KCNK13: variants seen among roughly 807,000 people sequenced by gnomAD.
The protein encoded by KCNK13 is potassium channel subfamily K member 13.
Under a neutral mutation model 23.4 loss-of-function variants are expected in KCNK13, and 12 were observed. The observed-to-expected ratio is 0.51, with a 90% CI of 0.33 to 0.83. The LOEUF is 0.83. KCNK13 is among the 40% of genes least tolerant of loss of function. The pLI is 0.02. For synonymous variants in KCNK13, 231 were observed against 229.5 expected, an observed-to-expected ratio of 1.01 and a Z score of -0.06; for missense variants, 463 against 556.3, an observed-to-expected ratio of 0.83 and a Z score of 1.69.
intron 1 of KCNK13, among the ~76,000 whole-genome samples, chr14:90,116,716 G>A (rs1487507420): frequency 1.3e-5 from 2 of 152,172 alleles, no homozygotes; most frequent in Non-Finnish European, 2.9e-5. Context: ...AGCAGGCAAG[G>A]TGAATGCAGC....
At chr14:90,105,442 C>A (rs1889532966) in intron 1 of KCNK13, among the ~76,000 whole-genome samples, 1 of 152,076 alleles carries the variant, frequency 6.6e-6, no homozygotes. Context: ...CTTTAATATA[C>A]AGGATAAATC....
chr14:90,084,120 GT>G (rs547947477), intron 1 of KCNK13, among the ~76,000 whole-genome samples: 7 of 152,018 alleles, frequency 4.6e-5, no homozygotes, highest in South Asian at 2.1e-4. Context: ...AATGTTGTTG[GT>G]TTTTTTTCCC....
intron 1 of KCNK13, among the ~76,000 whole-genome samples, chr14:90,142,119 C>T (rs1890015146): frequency 6.6e-6 from 1 of 151,826 alleles, no homozygotes; most frequent in African/African-American, 2.4e-5. Context: ...CCTCCCTTCC[C>T]TGTCCCCAGG....
At chr14:90,090,772 G>A (rs1371453495) in intron 1 of KCNK13, among the ~76,000 whole-genome samples, 4 of 152,306 alleles carry the variant, frequency 2.6e-5, no homozygotes, top group Non-Finnish European at 5.9e-5. Flanking sequence ...GATAGTGAAT[G>A]TGTCTCATGA....
At chr14:90,077,405 G>A (rs1204363856) in intron 1 of KCNK13, among the ~76,000 whole-genome samples, 1 of 152,134 alleles carries the variant, frequency 6.6e-6, no homozygotes, top group Non-Finnish European at 1.5e-5. Flanking sequence ...ACAGGTGTGA[G>A]CCACCATGCC....
At chr14:90,066,376 C>T (rs1373702683) in intron 1 of KCNK13, among the ~76,000 whole-genome samples, 1 of 152,076 alleles carries the variant, frequency 6.6e-6, no homozygotes, top group Non-Finnish European at 1.5e-5. Context: ...AAGCAATTCT[C>T]CTGCCTTGGC....
chr14:90,069,431 A>T (rs906435797), intron 1 of KCNK13, among the ~76,000 whole-genome samples: 2 of 151,324 alleles, frequency 1.3e-5, no homozygotes, highest in African/African-American at 4.9e-5. Context: ...ACTCTACAAG[A>T]CCCCCATGGG....
In KCNK13 at chr14:90,082,088, G is replaced by A. The variant is rs145199852; in HGVS notation, c.334+19549G>A. Reference sequence around the variant, plus strand: ...AACCTGTTTTCTTTTTCAAAACAGAGTCTCACTTTGTTGCCCGAGCTGGAG... The same window carrying A: ...AACCTGTTTTCTTTTTCAAAACAGAATCTCACTTTGTTGCCCGAGCTGGAG... On this transcript the variant is annotated intron_variant, in intron 1 of 1. Transcript: ENST00000282146. 3.1e-3 allele frequency among the ~76,000 whole-genome samples: 472 copies of A among 152,298 alleles called. 5 individuals carry two copies. Among genetic ancestry groups the A allele is most frequent in the African/African-American group, 0.011 (459 of 41,562 alleles).
Position 90,119,877 on chromosome 14 carries a change from G to A in KCNK13, c.334+57338G>A, listed in dbSNP as rs1889717079. Among the ~76,000 whole-genome samples the A allele has an allele frequency of 2.0e-5, 3 of 152,246 alleles. No individual in the cohort carries two copies. The South Asian group carries it at 6.2e-4, about 32-fold the overall frequency. ...GGCATCGCAGAGTGCTGGAATTATA[G>A]GTGTGGAGCACTGCACCTGGCCTTC... On this transcript the variant is annotated intron_variant, in intron 1 of 1. Transcript: ENST00000282146.
At chr14:90,137,699 G>C (rs1279286077) in intron 1 of KCNK13, among the ~76,000 whole-genome samples, 1 of 152,148 alleles carries the variant, frequency 6.6e-6, no homozygotes, top group South Asian at 2.1e-4. Flanking sequence ...AAAAATGGAG[G>C]AAATAAATGA....
At chr14:90,141,794 T>TGCG (rs1555351989) in intron 1 of KCNK13, among the ~76,000 whole-genome samples, 3 of 125,546 alleles carry the variant, frequency 2.4e-5, no homozygotes, top group South Asian at 2.8e-4. Flanking sequence ...TTTTGTTTTT[T>TGCG]GGGGGGGGGG....
At chr14:90,148,868 T>A (rs1890103165) in intron 1 of KCNK13, among the ~76,000 whole-genome samples, 1 of 152,192 alleles carries the variant, frequency 6.6e-6, no homozygotes, top group African/African-American at 2.4e-5. Flanking sequence ...ATCCAGCAGC[T>A]CCCAGTCAAA....
chr14:90,116,555 G>A (rs1304299229), intron 1 of KCNK13, among the ~76,000 whole-genome samples: 2 of 152,170 alleles, frequency 1.3e-5, no homozygotes, highest in East Asian at 1.9e-4. Context: ...AGCAGGCCCC[G>A]GCTAGGTCAG....
At chr14:90,075,847 T>G (rs1889128765) in intron 1 of KCNK13, among the ~76,000 whole-genome samples, 1 of 152,208 alleles carries the variant, frequency 6.6e-6, no homozygotes, top group Admixed American at 6.5e-5. Flanking sequence ...CTCTGGACCC[T>G]TAGGCTTTGG....
At chr14:90,132,556 A>G (rs1055796667) in intron 1 of KCNK13, among the ~76,000 whole-genome samples, 8 of 151,946 alleles carry the variant, frequency 5.3e-5, no homozygotes, top group South Asian at 2.1e-4. Context: ...AAAAAAAAAA[A>G]AAAGAAAGAA....
rs77961057 is a variant in KCNK13, at chr14:90,179,054, G to A, written c.335-5057G>A. On this transcript the variant is annotated intron_variant, in intron 1 of 1. Transcript: ENST00000282146. ...GGTATTATTTGATATTAAGGAATTA[G>A]TATTAATGTCATTAGGTATGGTAAT... Among the ~76,000 whole-genome samples, 1,333 of 152,290 alleles carry A rather than the reference G, an allele frequency of 8.8e-3. 28 individuals are homozygous for A. Among genetic ancestry groups the A allele is most frequent in the African/African-American group, 0.029 (1,208 of 41,562 alleles).
Position 90,155,915 on chromosome 14 carries a change from G to C in KCNK13, c.335-28196G>C, listed in dbSNP as rs536111534. 4.6e-5 allele frequency among the ~76,000 whole-genome samples: 7 copies of C among 152,102 alleles called. 1 individual carries two copies. The highest frequency in any genetic ancestry group is 1.7e-4 in the African/African-American group (7 of 41,522). ...GAGTTCAAACTAGAGATAAAATCTG[G>C]AAGACAGGCCAGGTGTGGTGGCTCA... On this transcript the variant is annotated intron_variant, in intron 1 of 1. Coordinates refer to ENST00000282146, the MANE Select transcript of KCNK13 (RefSeq NM_022054.4).
chr14:90,094,869 G>A (rs1035603699), intron 1 of KCNK13, among the ~76,000 whole-genome samples: 9 of 151,856 alleles, frequency 5.9e-5, no homozygotes, highest in Admixed American at 4.6e-4. Context: ...GGATGGTCTC[G>A]ATCTCCTGAC....
chr14:90,115,992 G>A (rs963489450), intron 1 of KCNK13, among the ~76,000 whole-genome samples: 2 of 152,164 alleles, frequency 1.3e-5, no homozygotes, highest in Non-Finnish European at 2.9e-5. Flanking sequence ...GTGTTTCTTT[G>A]TGTGTTTGTT....
Sources: allele counts gnomAD v4.1 joint callset (sites outside exome capture counted in the v4.1 genomes callset), GRCh38; gene constraint gnomAD v4.1.1; transcripts MANE v1.5; gene names NCBI Gene and HGNC (gene_info 2026-07-23, HGNC 2026-07-21).